Variants in MYH3 observed in about 807,000 individuals in gnomAD.
The protein encoded by MYH3 is myosin-3.
MYH3 carries 130 observed loss-of-function variants against 238.0 expected under a neutral mutation model. That is an observed-to-expected ratio of 0.55 (90% confidence interval 0.47 to 0.63). The LOEUF (loss-of-function observed/expected upper bound fraction) is 0.63. Ranked by LOEUF, MYH3 falls within the 30% of genes least tolerant of loss-of-function variation. The probability of loss-of-function intolerance (pLI) is 0.00; values close to 1 mark genes in which losing one functional copy is unlikely to be tolerated. For synonymous variants in MYH3, 880 were observed against 924.1 expected (o/e 0.95, Z 0.86); for missense variants, 1,853 against 2,374.9 (o/e 0.78, Z 4.57).
chr17:10,656,456 G>C (rs1159613100), intron 1 of MYH3, among the ~76,000 whole-genome samples: 1 of 150,064 alleles, frequency 6.7e-6, no homozygotes, highest in Non-Finnish European at 1.5e-5. Context: ...AGAATCATTT[G>C]AACCTGGGAG....
At chr17:10,668,044 C>T in the MYH3 span, among the ~76,000 whole-genome samples, 4 of 152,166 alleles carry the variant, frequency 2.6e-5, no homozygotes, top group Non-Finnish European at 5.9e-5. Flanking sequence ...GACTTAATTC[C>T]TGTCAATTTT....
rs771220671 is a variant in MYH3, at chr17:10,629,658, T to C, written c.5735A>G (p.Asp1912Gly). ...HELEEAEERA[D>G]IAESQVNKLR... ...CTTGTTGACTTGAGATTCTGCGATA[T>C]CCGCACGTTCCTCGGCCTCCTCCAG... Residue 1912 changes from aspartate to glycine, a missense_variant, in exon 40 of 41, where the codon GAT becomes GGT. Physicochemically the swap from Asp to Gly is moderately conservative, Grantham distance 94. Coordinates refer to ENST00000583535, the MANE Select transcript of MYH3 (RefSeq NM_002470.4). 8 of 1,614,112 alleles carry C rather than the reference T, an allele frequency of 5.0e-6. No individual in the cohort carries two copies. Among genetic ancestry groups the C allele is most frequent in the Non-Finnish European group, 6.8e-6 (8 of 1,180,054 alleles).
At position 10,635,802 on chromosome 17, in the gene MYH3, G is replaced by C. The variant is rs755407450; in HGVS notation, c.3908C>G (p.Ser1303Cys). ...EEKESIVSQL[S>C]RSKQAFTQQT... The stretch of plus-strand genomic sequence containing the variant: ...CTGGGTAAAGGCTTGCTTGCTCCTG[G>C]AAAGTTGGGATACTATGCTTTCTTT... The change falls in exon 29 of 41, where the codon TCC becomes TGC. Residue 1303 changes from serine to cysteine, a missense_variant. Transcript: ENST00000583535. 5 of 1,614,166 alleles carry C rather than the reference G, an allele frequency of 3.1e-6. 1 individual carries two copies. In the South Asian group the frequency reaches 5.5e-5, roughly 18 times the overall value.
chr17:10,631,239 A>G (rs939280367), intron 36 of MYH3, among the ~76,000 whole-genome samples: 1 of 152,212 alleles, frequency 6.6e-6, no homozygotes, highest in African/African-American at 2.4e-5. Flanking sequence ...CCCGCCAGGC[A>G]GCAGGTGGCG....
intron 36 of MYH3, among the ~76,000 whole-genome samples, 163 bp from the exon 37 acceptor site, chr17:10,630,621 G>A (rs921592754): frequency 1.1e-4 from 17 of 152,154 alleles, no homozygotes; most frequent in Admixed American, 3.3e-4. Context: ...AGGCCAAGGC[G>A]GGTGGATCAC....
In MYH3 at chr17:10,637,935, C is replaced by T; in HGVS notation, c.3730G>A (p.Ala1244Thr). ...SSMESVSKSK[A>T]NLEKICRTLE... ...GTTCGGCAGATTTTTTCCAGATTTG[C>T]CTGAAGGATTCAGAAAGGGGAGCAA... The change falls in exon 28 of 41, where the codon GCA becomes ACA. Residue 1244 changes from alanine (A) to threonine (T), a missense_variant and splice_region_variant. Transcript: ENST00000583535. The T allele has an allele frequency of 6.2e-7, 1 of 1,614,098 alleles. No individual in the cohort carries two copies. Among genetic ancestry groups the T allele is most frequent in the Non-Finnish European group, 8.5e-7 (1 of 1,180,018 alleles).
chr17:10,639,346 G>C lies in MYH3; in HGVS notation c.3054C>G (p.Val1018=). The change falls in exon 24 of 41, where the codon GTC becomes GTG. Residue 1018 remains valine, a synonymous_variant. Coordinates refer to ENST00000583535, the MANE Select transcript of MYH3 (RefSeq NM_002470.4). ...LDDLQAEEDK[V]NSLNKTKSKL... Reference sequence around the variant, plus strand: ...TGCTCTTGGTTTTGTTCAAAGAATTGACTTTGTCTTCTTCAGCTTGGAGGT... The same window carrying C: ...TGCTCTTGGTTTTGTTCAAAGAATTCACTTTGTCTTCTTCAGCTTGGAGGT... 1.9e-6 allele frequency: 3 copies of C among 1,614,152 alleles called. No homozygotes were observed. The highest frequency in any genetic ancestry group is 1.7e-5 in the Admixed American group (1 of 60,026).
chr17:10,639,233 G>A (rs765337541), intron 24 of MYH3, 44 bp from the exon 25 acceptor site: 4 of 1,614,114 alleles, frequency 2.5e-6, no homozygotes, highest in Non-Finnish European at 3.4e-6. Flanking sequence ...TGCTTTGCAA[G>A]AGGACCCTTG....
intron 17 of MYH3, 36 bp from the exon 18 acceptor site, chr17:10,641,408 T>C (rs1337452922): frequency 2.7e-6 from 4 of 1,473,906 alleles, no homozygotes; most frequent in African/African-American, 2.8e-5. Flanking sequence ...GCCATCCTAC[T>C]GTAGGTTTTT....
the MYH3 span, among the ~76,000 whole-genome samples, chr17:10,663,850 A>G: frequency 6.6e-6 from 1 of 151,926 alleles, no homozygotes. Flanking sequence ...ATCACCTTAG[A>G]TCAGGAGTTC....
chr17:10,637,531 A>G (rs1313017975), intron 28 of MYH3, among the ~76,000 whole-genome samples: 2 of 152,184 alleles, frequency 1.3e-5, no homozygotes, highest in African/African-American at 4.8e-5. Context: ...ATGCAAGTTT[A>G]TATTAATTTT....
the MYH3 span, chr17:10,673,531 G>C: frequency 6.6e-6 from 1 of 152,232 alleles, no homozygotes; most frequent in Non-Finnish European, 1.5e-5. Context: ...AATCCTTGCA[G>C]GGCTCTCTGC....
chr17:10,630,884 G>A (rs2074149828), intron 36 of MYH3, among the ~76,000 whole-genome samples: 1 of 152,046 alleles, frequency 6.6e-6, no homozygotes, highest in South Asian at 2.1e-4. Flanking sequence ...AAAGAAAAAG[G>A]ACAACGGGTG....
Position 10,640,430 on chromosome 17 carries a change from T to A in MYH3, c.2329A>T (p.Met777Leu). ...KAGLLGTLEE[M>L]RDDRLAKLIT... Reference sequence around the variant, plus strand: ...AGTTTGGCCAGGCGGTCATCCCGCATCTCTTCCAGGGTTCCCAGCAAGCCA... The same window carrying A: ...AGTTTGGCCAGGCGGTCATCCCGCAACTCTTCCAGGGTTCCCAGCAAGCCA... The change falls in exon 21 of 41, where the codon ATG becomes TTG. Residue 777 changes from methionine to leucine, a missense_variant. Met to Leu is a conservative substitution (Grantham distance 15, BLOSUM62 2). Around this residue, in one of 3 missense-constraint regions of MYH3, gnomAD observed 678 missense variants for 1,058.9 expected, o/e 0.64. Transcript: ENST00000583535. 1 of 1,614,190 alleles carries A rather than the reference T, an allele frequency of 6.2e-7. No individual in the cohort carries two copies. The highest frequency in any genetic ancestry group is 8.5e-7 in the Non-Finnish European group (1 of 1,180,034).
rs759104309 is a variant in MYH3, at chr17:10,634,182, C to T, written c.4357G>A (p.Val1453Met). 1.6e-5 allele frequency: 26 copies of T among 1,614,192 alleles called. No individual in the cohort carries two copies. Among genetic ancestry groups the T allele is most frequent in the Non-Finnish European group, 2.0e-5 (24 of 1,180,032 alleles). The change falls in exon 32 of 41, where the codon GTG becomes ATG. Residue 1453 changes from valine (V) to methionine (M), a missense_variant and splice_region_variant. Val to Met is a conservative substitution (Grantham distance 21, BLOSUM62 1). Around this residue, in one of 3 missense-constraint regions of MYH3, gnomAD observed 1,044 missense variants for 1,192.6 expected, o/e 0.88. Coordinates refer to ENST00000583535, the MANE Select transcript of MYH3 (RefSeq NM_002470.4). ...LDKKQRNFDK[V>M]LAEWKTKCEE... ...CACTTTGTCTTCCACTCTGCCAACA[C>T]CTGAAACACCGGACGGAAGTTCTCT...
In MYH3 at chr17:10,642,600, C is replaced by T; in HGVS notation, c.1705G>A (p.Val569Met). ...TGAGCCTCGGCCCTGCCTTTGACCA[C>T]CTTGGGCTTCTGGAAGTTGTTGGAC... Reference protein sequence around the residue: ...GKSNNFQKPKVVKGRAEAHFS... With the variant: ...GKSNNFQKPKMVKGRAEAHFS... Residue 569 changes from valine to methionine, a missense_variant, in exon 16 of 41, where the codon GTG becomes ATG. Physicochemically the swap from Val to Met is conservative, Grantham distance 21. This residue lies in a region of MYH3 where 678 missense variants were observed against 1,058.9 expected (regional missense o/e 0.64). Coordinates refer to ENST00000583535, the MANE Select transcript of MYH3 (RefSeq NM_002470.4). This position sits in a 1 kb window ranked among gnomAD's most constrained non-coding sequence, Gnocchi z 5.4. The T allele has an allele frequency of 6.2e-7, 1 of 1,614,202 alleles. No individual in the cohort carries two copies. The highest frequency in any genetic ancestry group is 2.2e-5 in the East Asian group (1 of 44,878).
At chr17:10,629,030 TTGTTTTGTTGGGATACA>T (rs2074123477) in intron 40 of MYH3, among the ~76,000 whole-genome samples, 1 of 152,154 alleles carries the variant, frequency 6.6e-6, no homozygotes, top group African/African-American at 2.4e-5. Context: ...GCGGTTTGTT[TTGTTTTGTTGGGATACA>T]TGTGCAGAAC....
At chr17:10,676,995 C>T in the MYH3 span, 1 of 152,116 alleles carries the variant, frequency 6.6e-6, no homozygotes, top group Admixed American at 6.6e-5. Flanking sequence ...GTAATATAAC[C>T]CCTAACTGGT....
chr17:10,669,042 A>G, the MYH3 span, among the ~76,000 whole-genome samples: 3 of 152,156 alleles, frequency 2.0e-5, no homozygotes, highest in Non-Finnish European at 4.4e-5. Context: ...AGGTGGAATT[A>G]TCCCCACTTG....
Sources: gnomAD v4.1 joint callset for allele counts (sites outside exome capture counted in the v4.1 genomes callset) on GRCh38, gnomAD v4.1.1 for gene constraint, gnomAD v4.1.1 regional missense constraint, Gnocchi (gnomAD v3.1) non-coding constraint, MANE v1.5 for transcripts, NCBI Gene and HGNC (gene_info 2026-07-23, HGNC 2026-07-21) for gene names.